The following FAP variants were observed in gnomAD, a reference collection of about 807,000 sequenced individuals.
The protein encoded by FAP is fibroblast activation protein alpha, also known as prolyl endopeptidase FAP.
FAP carries 110 observed loss-of-function variants against 126.5 expected under a neutral mutation model. The ratio of observed to expected loss-of-function variants is 0.87; its 90% CI spans 0.74 to 1.02. FAP has a LOEUF of 1.02. FAP is among the 50% of genes least tolerant of loss of function. FAP has a pLI of 0.00. For missense variants in FAP, 919 were observed against 909.2 expected, an observed-to-expected ratio of 1.01 and a Z score of -0.14; for synonymous variants, 334 against 297.3, an observed-to-expected ratio of 1.12 and a Z score of -1.27.
intron 12 of FAP, among the ~76,000 whole-genome samples, chr2:162,204,107 T>C (rs1688605616): frequency 6.6e-6 from 1 of 152,114 alleles, no homozygotes; most frequent in African/African-American, 2.4e-5. Flanking sequence ...ACATGAGAAC[T>C]GCATCAAGCA....
At chr2:162,228,501 C>T (rs1689755015) in intron 2 of FAP, among the ~76,000 whole-genome samples, 1 of 152,080 alleles carries the variant, frequency 6.6e-6, no homozygotes, top group South Asian at 2.1e-4. Context: ...TGATTAGGAC[C>T]ATGAGTTTAT....
intron 9 of FAP, 93 bp downstream of exon 9, chr2:162,217,893 T>C: frequency 1.0e-6 from 1 of 961,076 alleles, no homozygotes; most frequent in Non-Finnish European, 1.5e-6. Flanking sequence ...TAAGAAGCTC[T>C]CCAAACTTGT....
intron 12 of FAP, among the ~76,000 whole-genome samples, chr2:162,207,033 T>A (rs1688727521): frequency 1.3e-5 from 2 of 152,200 alleles, no homozygotes; most frequent in Non-Finnish European, 2.9e-5. Flanking sequence ...CTAATACGAC[T>A]AGCTTGTATA....
intron 2 of FAP, among the ~76,000 whole-genome samples, chr2:162,236,799 C>T (rs1341689155): frequency 6.6e-6 from 1 of 152,050 alleles, no homozygotes. Flanking sequence ...GAGGGAGTTT[C>T]TCCATGTTGG....
intron 11 of FAP, among the ~76,000 whole-genome samples, chr2:162,212,854 G>A (rs965589672): frequency 5.9e-5 from 9 of 152,056 alleles, no homozygotes; most frequent in Non-Finnish European, 1.0e-4. Flanking sequence ...TTATTTTAAA[G>A]CTTATACATT....
chr2:162,225,457 G>C, intron 4 of FAP, 26 bp downstream of exon 4: 1 of 1,587,896 alleles, frequency 6.3e-7, no homozygotes. Context: ...AGGTTTCTGA[G>C]GGGGAAGATG....
intron 21 of FAP, among the ~76,000 whole-genome samples, chr2:162,177,772 C>T (rs527634882): frequency 6.6e-6 from 1 of 152,266 alleles, no homozygotes; most frequent in African/African-American, 2.4e-5. Context: ...ATATTTTTGT[C>T]TGTCCTGTCA....
chr2:162,199,799 G>A (rs1688422555), intron 15 of FAP, among the ~76,000 whole-genome samples: 1 of 152,176 alleles, frequency 6.6e-6, no homozygotes, highest in South Asian at 2.1e-4. Context: ...GATCCAGGAG[G>A]GAACAGGGGA....
At chr2:162,188,475 A>G in intron 19 of FAP, 112 bp from the exon 20 acceptor site, 1 of 926,028 alleles carries the variant, frequency 1.1e-6, no homozygotes, top group Non-Finnish European at 1.6e-6. Context: ...TGATAAAATA[A>G]CAATGGCGTT....
intron 5 of FAP, 69 bp downstream of exon 5, chr2:162,224,397 C>A: frequency 1.1e-6 from 1 of 943,428 alleles, no homozygotes; most frequent in Non-Finnish European, 1.7e-6. Context: ...CTTTCTCTCA[C>A]TTTTTTTAAA....
Position 162,223,607 on chromosome 2 carries a change from C to A in FAP, c.413+1G>T, listed in dbSNP as rs1464711876. 3.2e-6 allele frequency: 5 copies of A among 1,571,462 alleles called. No homozygotes were observed. The highest frequency in any genetic ancestry group is 4.4e-6 in the Non-Finnish European group (5 of 1,141,712). On this transcript the variant is annotated splice_donor_variant, in intron 6 of 25. Coordinates refer to ENST00000188790, the MANE Select transcript of FAP (RefSeq NM_004460.5). LOFTEE classifies it high-confidence loss of function. Reference sequence around the variant, plus strand: ...AGTATTAATAAACAGAGGTGATTTACCCATTGCTAAGGTCATAGATGTAAT... The same window carrying A: ...AGTATTAATAAACAGAGGTGATTTAACCATTGCTAAGGTCATAGATGTAAT...
At chr2:162,177,790 T>C (rs1488233412) in intron 21 of FAP, among the ~76,000 whole-genome samples, 1 of 152,170 alleles carries the variant, frequency 6.6e-6, no homozygotes, top group Non-Finnish European at 1.5e-5. Context: ...TCAATGAATG[T>C]AGCCCAGCAC....
intron 11 of FAP, among the ~76,000 whole-genome samples, chr2:162,211,658 TA>T (rs1195017048): frequency 6.6e-6 from 1 of 152,054 alleles, no homozygotes; most frequent in Non-Finnish European, 1.5e-5. Context: ...TCGGAAAAAA[TA>T]GTGAAATTTT....
intron 1 of FAP, 58 bp from the exon 2 acceptor site, chr2:162,243,050 G>T: frequency 7.2e-7 from 1 of 1,383,540 alleles, no homozygotes. Flanking sequence ...AGTAGAAATG[G>T]CAAGATTTTG....
chr2:162,176,678 A>G (rs1336494683), intron 21 of FAP: 1 of 152,160 alleles, frequency 6.6e-6, no homozygotes, highest in Non-Finnish European at 1.5e-5. Context: ...AAAAATTATT[A>G]TCATTTATGG....
intron 11 of FAP, among the ~76,000 whole-genome samples, chr2:162,211,073 G>A (rs76537278): frequency 0.015 from 2,279 of 152,230 alleles, 37 homozygotes; most frequent in South Asian, 0.026. Flanking sequence ...TCAGTTGACC[G>A]TGGTTATTTG....
rs753316860 is a variant in FAP at position 162,172,794 on chromosome 2, A to G, written c.2181+17T>C. 2 of 1,593,176 alleles carry G rather than the reference A, an allele frequency of 1.3e-6. No individual in the cohort carries two copies. Among genetic ancestry groups the G allele is most frequent in the East Asian group, 2.2e-5 (1 of 44,766 alleles). ...AGGGTCTAAGGCCATGAACATGAGT[A>G]AAACAAAATTATGTACCATTGCCTG... On this transcript the variant is annotated intron_variant, in intron 25 of 25. Coordinates refer to ENST00000188790, the MANE Select transcript of FAP (RefSeq NM_004460.5).
chr2:162,173,826 T>C (rs3764917), intron 22 of FAP, 39 bp from the exon 23 acceptor site: 248,646 of 1,296,136 alleles, frequency 0.19, 27,700 homozygotes, highest in South Asian at 0.38. Flanking sequence ...TTGCATGTGA[T>C]GAATGTCATT....
At chr2:162,236,720 G>C (rs1690150371) in intron 2 of FAP, among the ~76,000 whole-genome samples, 2 of 152,074 alleles carry the variant, frequency 1.3e-5, no homozygotes, top group Non-Finnish European at 2.9e-5. Context: ...AGGCAATTCT[G>C]CCTCAGCCTC....
Sources: allele counts gnomAD v4.1 joint callset (sites outside exome capture counted in the v4.1 genomes callset), GRCh38; gene constraint gnomAD v4.1.1; transcripts MANE v1.5; gene names NCBI Gene and HGNC (gene_info 2026-07-23, HGNC 2026-07-21).